DOCK2: variants seen among roughly 807,000 people sequenced by gnomAD.
DOCK2 encodes dedicator of cytokinesis 2, also known as dedicator of cytokinesis protein 2.
DOCK2 carries 87 observed loss-of-function variants against 248.9 expected under a neutral mutation model. The ratio of observed to expected loss-of-function variants is 0.35; its 90% confidence interval spans 0.29 to 0.42. The LOEUF is 0.42. Among genes scored for constraint, DOCK2 ranks in the 10% least tolerant of loss-of-function variants. DOCK2 has a pLI of 1.00. For missense variants in DOCK2, 1,747 were observed against 2,300.2 expected, an observed-to-expected ratio of 0.76 and a Z score of 4.92; for synonymous variants, 805 against 821.6, an observed-to-expected ratio of 0.98 and a Z score of 0.35.
intron 10 of DOCK2, among the ~76,000 whole-genome samples, chr5:169,697,032 G>T (rs1323384422): frequency 1.3e-5 from 2 of 152,124 alleles, no homozygotes; most frequent in Non-Finnish European, 2.9e-5. Flanking sequence ...AGGCAGTAAG[G>T]ATCCTTCAAC....
chr5:170,080,829 A>T (rs1412893980), intron 50 of DOCK2: 3 of 155,200 alleles, frequency 1.9e-5, no homozygotes, highest in African/African-American at 7.2e-5. Context: ...AACAGGGGAC[A>T]TGGCATGCCT....
intron 1 of DOCK2, among the ~76,000 whole-genome samples, chr5:169,648,577 TGA>T (rs1245604593): frequency 6.6e-6 from 1 of 152,172 alleles, no homozygotes; most frequent in African/African-American, 2.4e-5. Context: ...GGTGCATGGC[TGA>T]GAGAGTGTGC....
chr5:169,825,064 A>T (rs1466251247), intron 26 of DOCK2, among the ~76,000 whole-genome samples: 1 of 152,206 alleles, frequency 6.6e-6, no homozygotes, highest in African/African-American at 2.4e-5. Context: ...TCAAAACCAC[A>T]ATGAGATACC....
chr5:169,908,258 A>G (rs185312529), intron 27 of DOCK2, among the ~76,000 whole-genome samples: 1 of 152,282 alleles, frequency 6.6e-6, no homozygotes, highest in Admixed American at 6.5e-5. Flanking sequence ...CCTTGGTGGC[A>G]ACTAGATTTA....
At chr5:169,685,645 G>A (rs13183751) in intron 8 of DOCK2, among the ~76,000 whole-genome samples, 37,408 of 152,098 alleles carry the variant, frequency 0.25, 4,878 homozygotes, top group Middle Eastern at 0.33. Context: ...TTAAATGAAC[G>A]AATACACCAT....
At chr5:169,919,852 G>T (rs573340292) in intron 27 of DOCK2, among the ~76,000 whole-genome samples, 9 of 152,184 alleles carry the variant, frequency 5.9e-5, no homozygotes, top group Non-Finnish European at 2.9e-5. Context: ...TGCTTTAAAG[G>T]TGGAAACTTA....
intron 22 of DOCK2, among the ~76,000 whole-genome samples, chr5:169,741,803 A>ATTTTTTTTTTTTTT (rs33955559): frequency 1.2e-5 from 1 of 82,420 alleles, no homozygotes; most frequent in Non-Finnish European, 2.3e-5. Flanking sequence ...ATCTTTTACT[A>ATTTTTTTTTTTTTT]TTTTTTTTTT....
At chr5:169,879,019 GAGA>G (rs1184335999) in intron 27 of DOCK2, among the ~76,000 whole-genome samples, 1 of 152,322 alleles carries the variant, frequency 6.6e-6, no homozygotes, top group African/African-American at 2.4e-5. Context: ...AGGGAGCAGA[GAGA>G]AGGAGTTAGA....
chr5:169,809,108 A>C (rs1388946990), intron 26 of DOCK2, among the ~76,000 whole-genome samples: 1 of 152,078 alleles, frequency 6.6e-6, no homozygotes, highest in East Asian at 1.9e-4. Context: ...CTTGTGCCTC[A>C]GCTGGCTGAG....
chr5:169,951,783 C>T (rs1253316745), intron 27 of DOCK2, among the ~76,000 whole-genome samples: 1 of 152,172 alleles, frequency 6.6e-6, no homozygotes, highest in South Asian at 2.1e-4. Flanking sequence ...CTTCCACACA[C>T]TATTTAAGGC....
intron 27 of DOCK2, among the ~76,000 whole-genome samples, chr5:169,937,166 G>A (rs558611828): frequency 6.6e-6 from 1 of 152,310 alleles, no homozygotes; most frequent in African/African-American, 2.4e-5. Flanking sequence ...TCTTTGTATA[G>A]TTGTCCAGAG....
At chr5:169,833,279 GA>G (rs1292703063) in intron 26 of DOCK2, among the ~76,000 whole-genome samples, 2 of 152,134 alleles carry the variant, frequency 1.3e-5, no homozygotes, top group Admixed American at 6.5e-5. Flanking sequence ...ATTCAAACAT[GA>G]AAAGTTTAGG....
chr5:170,052,208 T>C (rs1382272422), intron 41 of DOCK2, among the ~76,000 whole-genome samples: 1 of 152,220 alleles, frequency 6.6e-6, no homozygotes, highest in African/African-American at 2.4e-5. Flanking sequence ...ATCTGTAACC[T>C]TTTCATTATG....
chr5:170,074,436 A>G (rs1361735235), intron 46 of DOCK2, among the ~76,000 whole-genome samples: 1 of 151,666 alleles, frequency 6.6e-6, no homozygotes, highest in African/African-American at 2.4e-5. Context: ...ATCTGAGTAC[A>G]AGAGAGAGGG....
intron 27 of DOCK2, among the ~76,000 whole-genome samples, chr5:169,961,656 G>A (rs1384118239): frequency 6.6e-6 from 1 of 152,080 alleles, no homozygotes; most frequent in Non-Finnish European, 1.5e-5. Context: ...CAAGTGCTAA[G>A]AAGGACAAGT....
At chr5:169,719,236 G>A (rs1581090922) in intron 22 of DOCK2, among the ~76,000 whole-genome samples, 1 of 152,204 alleles carries the variant, frequency 6.6e-6, no homozygotes, top group Non-Finnish European at 1.5e-5. Flanking sequence ...GATCCTAGTA[G>A]CCAAAAAGTG....
chr5:169,737,670 T>A (rs541320146), intron 22 of DOCK2, among the ~76,000 whole-genome samples: 91 of 152,196 alleles, frequency 6.0e-4, no homozygotes, highest in African/African-American at 1.9e-3. Flanking sequence ...CAATGCTACA[T>A]AACAAAGCCT....
At chr5:169,710,611 C>T (rs1362131628) in intron 15 of DOCK2, among the ~76,000 whole-genome samples, 1 of 152,234 alleles carries the variant, frequency 6.6e-6, no homozygotes, top group Non-Finnish European at 1.5e-5. Context: ...CTTCAGATAT[C>T]TCTGCCTTAT....
At chr5:169,783,877 T>C (rs1765842924) in intron 25 of DOCK2, among the ~76,000 whole-genome samples, 1 of 152,208 alleles carries the variant, frequency 6.6e-6, no homozygotes, top group Non-Finnish European at 1.5e-5. Context: ...ACTATTGATG[T>C]ATTTGTTTTT....
Sources: gnomAD v4.1 joint callset for allele counts (sites outside exome capture counted in the v4.1 genomes callset) on GRCh38, gnomAD v4.1.1 for gene constraint, MANE v1.5 for transcripts, NCBI Gene and HGNC (gene_info 2026-07-23, HGNC 2026-07-21) for gene names.